PRMT2: variants seen among roughly 807,000 people sequenced by gnomAD.
The protein encoded by PRMT2 is protein arginine N-methyltransferase 2.
In PRMT2, 26 loss-of-function variants were observed where a neutral mutation model predicts 57.6. The observed-to-expected ratio is 0.45, with a 90% CI of 0.33 to 0.63. PRMT2 has a LOEUF of 0.63. Among genes scored for constraint, PRMT2 ranks in the 20% least tolerant of loss-of-function variants. The pLI is 0.02. For synonymous variants in PRMT2, 219 were observed against 220.0 expected (o/e 1.00, Z 0.04); for missense variants, 472 against 564.4 (o/e 0.84, Z 1.66).
chr21:46,657,139 A>C (rs2061552814), intron 7 of PRMT2: 1 of 151,000 alleles, frequency 6.6e-6, no homozygotes, highest in Admixed American at 6.6e-5. Context: ...GACTACAATA[A>C]AAAAAAAATC....
Position 46,663,547 on chromosome 21 carries a change from C to T in PRMT2, c.1262C>T (p.Ser421Phe). Reference protein sequence around the residue: ...WAVTSRQDPTSQKVGEKVFPI... With the variant: ...WAVTSRQDPTFQKVGEKVFPI... ...GTCACTTCCAGACAAGACCCCACAT[C>T]TCAAAAAGTAAGATACGTAGTTGTA... The change falls in exon 11 of 12, where the codon TCT (serine) becomes TTT (phenylalanine). Residue 421 changes from serine to phenylalanine, a missense_variant. Around this residue, in one of 2 missense-constraint regions of PRMT2, gnomAD observed 229 missense variants for 217.2 expected, o/e 1.05. Coordinates refer to ENST00000355680, the MANE Select transcript of PRMT2 (RefSeq NM_206962.4). 6.2e-7 allele frequency: 1 copy of T among 1,613,654 alleles called. No homozygotes were observed. Among genetic ancestry groups the T allele is most frequent in the Non-Finnish European group, 8.5e-7 (1 of 1,179,638 alleles).
chr21:46,637,037 G>A, intron 3 of PRMT2, 47 bp downstream of exon 3: 1 of 1,594,434 alleles, frequency 6.3e-7, no homozygotes, highest in Non-Finnish European at 8.6e-7. Context: ...ATGAATGTGA[G>A]CATTACAGAG....
intron 3 of PRMT2, among the ~76,000 whole-genome samples, chr21:46,642,741 G>A (rs1487706016): frequency 2.0e-5 from 3 of 152,150 alleles, no homozygotes; most frequent in African/African-American, 7.2e-5. Flanking sequence ...TAAAGTGAAC[G>A]GCCAGGCATG....
rs1458929246 is a variant in PRMT2 at position 46,635,739 on chromosome 21, A to T, written c.-190A>T. ...CTCCGCGCTGGCGGTGTGGACGCGGAACTCAGCGGAGAAACGCGATTGAGG... is the reference window on the plus strand; with the variant it reads ...CTCCGCGCTGGCGGTGTGGACGCGGTACTCAGCGGAGAAACGCGATTGAGG... On this transcript the variant is annotated 5_prime_UTR_variant, in exon 1 of 12. Coordinates refer to ENST00000355680, the MANE Select transcript of PRMT2 (RefSeq NM_206962.4). 6.6e-6 allele frequency: 1 copy of T among 152,418 alleles called. No individual in the cohort carries two copies. The highest frequency in any genetic ancestry group is 6.5e-5 in the Admixed American group (1 of 15,288). 9.4% of individuals were successfully genotyped at this position (152,418 alleles called of 1,614,324 possible).
At chr21:46,661,620 T>C (rs2061623561) in intron 9 of PRMT2, 180 bp from the exon 10 acceptor site, 1 of 489,162 alleles carries the variant, frequency 2.0e-6, no homozygotes, top group Non-Finnish European at 3.2e-6. Context: ...GAAACGTTTC[T>C]GACTGAAGCC....
At chr21:46,653,988 A>G (rs1209126452) in intron 7 of PRMT2, 3 of 1,002,642 alleles carry the variant, frequency 3.0e-6, no homozygotes, top group African/African-American at 3.5e-5. Context: ...GTCATAAAAA[A>G]TGCAGCATAG....
At chr21:46,638,127 G>A (rs2061207480) in intron 3 of PRMT2, among the ~76,000 whole-genome samples, 1 of 152,170 alleles carries the variant, frequency 6.6e-6, no homozygotes, top group Non-Finnish European at 1.5e-5. Context: ...ATACTTGAAT[G>A]ACATATGATA....
chr21:46,636,855 T>C (rs1317380340), intron 2 of PRMT2, 41 bp from the exon 3 acceptor site: 4 of 1,214,090 alleles, frequency 3.3e-6, no homozygotes, highest in Non-Finnish European at 4.6e-6. Flanking sequence ...TATTAAGCAA[T>C]GTAACAAGTA....
At chr21:46,656,404 A>G (rs2061542159) in intron 7 of PRMT2, among the ~76,000 whole-genome samples, 1 of 152,196 alleles carries the variant, frequency 6.6e-6, no homozygotes, top group African/African-American at 2.4e-5. Context: ...TAGCTGATAG[A>G]ATTTTTTAAA....
chr21:46,642,404 C>T (rs965343156), intron 3 of PRMT2, among the ~76,000 whole-genome samples: 7 of 152,114 alleles, frequency 4.6e-5, no homozygotes, highest in African/African-American at 1.7e-4. Context: ...AAAGTGAAAA[C>T]CATAGGCCAC....
Position 46,651,900 on chromosome 21 carries a change from C to T in PRMT2, c.654+2161C>T. 4 of 1,613,208 alleles carry T rather than the reference C, an allele frequency of 2.5e-6. No homozygotes were observed. The South Asian group carries it at 3.3e-5, about 13-fold the overall frequency. The stretch of plus-strand genomic sequence containing the variant: ...GCCTGCTGTCTGCCTCTCCCCTGCA[C>T]CTGTGCGTCTGTCCCTCTTCATGTC... On this transcript the variant is annotated intron_variant, in intron 7 of 11. Transcript: ENST00000355680.
intron 8 of PRMT2, 60 bp downstream of exon 8, chr21:46,658,980 A>C (rs2061580953): frequency 6.4e-7 from 1 of 1,564,766 alleles, no homozygotes; most frequent in African/African-American, 1.3e-5. Context: ...CACAGTCTGC[A>C]GGTGGGCCAA....
chr21:46,660,758 C>T (rs1569164587), intron 8 of PRMT2, 75 bp from the exon 9 acceptor site: 39 of 1,542,894 alleles, frequency 2.5e-5, no homozygotes, highest in Non-Finnish European at 2.8e-5. Flanking sequence ...GCACTCACCG[C>T]GGTCCCACGT....
At chr21:46,662,578 A>G (rs1168928327) in intron 10 of PRMT2, among the ~76,000 whole-genome samples, 1 of 152,126 alleles carries the variant, frequency 6.6e-6, no homozygotes, top group African/African-American at 2.4e-5. Context: ...GGAGGTGGGC[A>G]GCTTGGAGGC....
chr21:46,652,992 A>AG lies in PRMT2; in HGVS notation c.654+3255dup, dbSNP rs764825920. 34 of 1,225,118 alleles carry AG rather than the reference A, an allele frequency of 2.8e-5. No homozygotes were observed. The African/African-American group carries it at 5.2e-4, about 19-fold the overall frequency. The allele number at this position is 1,225,118 out of a possible 1,614,324, so 75.9% of individuals were successfully genotyped here. On this transcript the variant is annotated intron_variant, in intron 7 of 11. Transcript: ENST00000355680. ...TTCAGGACGCTTTGCAAGGTCACTG[A>AG]GGATCTCCATTGCACATTTGGTAGA...
At chr21:46,659,741 C>G in intron 8 of PRMT2, 1 of 985,432 alleles carries the variant, frequency 1.0e-6, no homozygotes, top group Non-Finnish European at 1.2e-6. Context: ...GAGCCTCCCA[C>G]CTGAGTGTTC....
At chr21:46,662,645 G>C (rs1224457454) in intron 10 of PRMT2, among the ~76,000 whole-genome samples, 1 of 152,196 alleles carries the variant, frequency 6.6e-6, no homozygotes, top group Non-Finnish European at 1.5e-5. Flanking sequence ...CTGGGGCACA[G>C]GCTGGGGTGA....
chr21:46,663,324 G>A, intron 10 of PRMT2, 59 bp from the exon 11 acceptor site: 5 of 1,533,496 alleles, frequency 3.3e-6, no homozygotes, highest in Non-Finnish European at 4.4e-6. Flanking sequence ...AGCGCCCCGA[G>A]GGCCATGTGG....
At chr21:46,652,709 T>C in intron 7 of PRMT2, 1 of 1,128,948 alleles carries the variant, frequency 8.9e-7, no homozygotes. Flanking sequence ...AATTTTTTTG[T>C]TTTTCCAGAA....
Sources: gnomAD v4.1 joint callset for allele counts (sites outside exome capture counted in the v4.1 genomes callset) on GRCh38, gnomAD v4.1.1 for gene constraint, gnomAD v4.1.1 regional missense constraint, MANE v1.5 for transcripts, NCBI Gene and HGNC (gene_info 2026-07-23, HGNC 2026-07-21) for gene names.